PCDH15: variants seen among roughly 807,000 people sequenced by gnomAD.
PCDH15 encodes the protein protocadherin-15.
A neutral mutation model predicts 178.5 loss-of-function variants in PCDH15; 129 were observed. The observed-to-expected ratio is 0.72, with a 90% CI of 0.63 to 0.84. The LOEUF is 0.84. Among genes scored for constraint, PCDH15 ranks in the 40% least tolerant of loss-of-function variants. The pLI is 0.00. For missense variants in PCDH15, 2,230 were observed against 2,099.9 expected, an observed-to-expected ratio of 1.06 and a Z score of -1.21; for synonymous variants, 800 against 732.0, an observed-to-expected ratio of 1.09 and a Z score of -1.50.
intron 15 of PCDH15, among the ~76,000 whole-genome samples, chr10:54,123,758 G>T (rs1372631229): frequency 6.6e-6 from 1 of 152,112 alleles, no homozygotes; most frequent in Non-Finnish European, 1.5e-5. Flanking sequence ...CAACCTAGGT[G>T]CCCATCGGTG....
chr10:55,142,354 G>A (rs991792745), intron 2 of PCDH15, among the ~76,000 whole-genome samples: 2 of 151,844 alleles, frequency 1.3e-5, no homozygotes, highest in African/African-American at 4.8e-5. Context: ...TAATTATACT[G>A]TTAACTTTAT....
chr10:53,885,763 T>C (rs956235864), intron 26 of PCDH15, among the ~76,000 whole-genome samples: 3 of 152,180 alleles, frequency 2.0e-5, no homozygotes, highest in Non-Finnish European at 4.4e-5. Context: ...TTTAGAAAAG[T>C]TATATTGAGT....
intron 2 of PCDH15, among the ~76,000 whole-genome samples, chr10:54,537,483 T>C (rs553791137): frequency 1.7e-3 from 260 of 152,242 alleles, no homozygotes; most frequent in Non-Finnish European, 3.0e-3. Flanking sequence ...AAGAAAACTA[T>C]AGGTCAATAT....
intron 1 of PCDH15, among the ~76,000 whole-genome samples, chr10:55,316,655 T>A (rs1375240154): frequency 6.6e-6 from 1 of 152,106 alleles, no homozygotes; most frequent in African/African-American, 2.4e-5. Context: ...TGTTTTGGAG[T>A]CAGATACAGA....
intron 21 of PCDH15, among the ~76,000 whole-genome samples, chr10:53,962,907 T>C (rs1174195369): frequency 3.3e-5 from 5 of 152,190 alleles, no homozygotes; most frequent in Non-Finnish European, 7.4e-5. Context: ...TTAGGCCTTG[T>C]AAATTTCTTA....
Position 55,620,875 on chromosome 10 carries a change from A to C in PCDH15, c.-156+6750T>G, listed in dbSNP as rs536059757. 2.0e-5 allele frequency among the ~76,000 whole-genome samples: 3 copies of C among 151,820 alleles called. No individual in the cohort carries two copies. In the South Asian group the frequency reaches 6.2e-4, roughly 32 times the overall value. ...AAATGATATCAGCTCAAATTCATGT[A>C]TACCTCTTTGCAGCTAAAGTCTTTT... On this transcript the variant is annotated intron_variant, in intron 2 of 5. Coordinates refer to the PCDH15 transcript ENST00000613346.
At chr10:55,192,834 C>T (rs1416193214) in intron 1 of PCDH15, among the ~76,000 whole-genome samples, 1 of 151,214 alleles carries the variant, frequency 6.6e-6, no homozygotes, top group Non-Finnish European at 1.5e-5. Context: ...TGAATACCTG[C>T]ACACACTTAT....
intron 1 of PCDH15, among the ~76,000 whole-genome samples, chr10:55,252,733 T>C (rs557656965): frequency 6.6e-6 from 1 of 152,096 alleles, no homozygotes; most frequent in African/African-American, 2.4e-5. Flanking sequence ...AAGGAAAATG[T>C]TTCACTATAT....
At chr10:54,793,391 C>G (rs1447851185) in intron 1 of PCDH15, among the ~76,000 whole-genome samples, 1 of 151,708 alleles carries the variant, frequency 6.6e-6, no homozygotes, top group African/African-American at 2.4e-5. Flanking sequence ...CTTAAAACTG[C>G]TGAAAGGAGG....
Position 54,153,147 on chromosome 10 carries a change from G to C in PCDH15, c.1737C>G (p.Tyr579Ter), listed in dbSNP as rs1057517251. Residue 579 changes from tyrosine to a stop codon, truncating the protein, a stop_gained, in exon 14 of 38, where the codon TAC becomes TAG. Coordinates refer to ENST00000644397, the MANE Select transcript of PCDH15 (RefSeq NM_001384140.1). LOFTEE classifies it high-confidence loss of function. ...TATCCGCTGCTTGGACCGTGAGTGC[G>C]TAAGTCCGCCCGACTATCATTTCCA... ...PGVEMIVGRT[Y>*]ALTVQAADNA... 5.6e-6 allele frequency: 9 copies of C among 1,613,778 alleles called. No homozygotes were observed. The highest frequency in any genetic ancestry group is 3.3e-5 in the Admixed American group (2 of 59,952).
chr10:55,263,722 A>T (rs10763192), intron 1 of PCDH15, among the ~76,000 whole-genome samples: 26,199 of 136,564 alleles, frequency 0.19, 3,122 homozygotes, highest in East Asian at 0.39. Context: ...TGTATTTTTT[A>T]ATTTATTTTA....
intron 2 of PCDH15, among the ~76,000 whole-genome samples, chr10:55,589,447 G>A (rs549657810): frequency 2.6e-5 from 4 of 152,064 alleles, no homozygotes; most frequent in African/African-American, 9.6e-5. Context: ...GGCAACAAAA[G>A]CCAAAATTGA....
chr10:54,010,216 C>G lies in PCDH15; in HGVS notation c.2751+9976G>C, dbSNP rs769333807. Among the ~76,000 whole-genome samples, 8 of 151,340 alleles carry G rather than the reference C, an allele frequency of 5.3e-5. No individual in the cohort carries two copies. In the South Asian group the frequency reaches 6.3e-4, roughly 12 times the overall value. On this transcript the variant is annotated intron_variant, in intron 20 of 37. Transcript: ENST00000644397. ...AGGGACAGGGATTAGGGACTAATGC[C>G]GACCCCCAACACAGCGCAGTTTCCT...
At chr10:55,414,422 A>G (rs1443964380) in intron 2 of PCDH15, among the ~76,000 whole-genome samples, 1 of 151,604 alleles carries the variant, frequency 6.6e-6, no homozygotes, top group Non-Finnish European at 1.5e-5. Flanking sequence ...TGAAATTTTG[A>G]AAGGAATTGC....
At chr10:54,208,198 T>C (rs1564685066) in intron 10 of PCDH15, among the ~76,000 whole-genome samples, 2 of 152,200 alleles carry the variant, frequency 1.3e-5, no homozygotes, top group South Asian at 2.1e-4. Flanking sequence ...TCATTACTAA[T>C]AACAAGTAAT....
chr10:54,148,692 T>C (rs542232033), intron 14 of PCDH15, among the ~76,000 whole-genome samples: 17 of 152,218 alleles, frequency 1.1e-4, no homozygotes, highest in African/African-American at 2.9e-4. Flanking sequence ...TGCACCCCTA[T>C]TGACATCAAC....
chr10:54,793,829 A>G (rs1951682997), intron 1 of PCDH15, among the ~76,000 whole-genome samples: 1 of 149,298 alleles, frequency 6.7e-6, no homozygotes, highest in Non-Finnish European at 1.5e-5. Flanking sequence ...GAAGAAAACA[A>G]TATCTTGAAT....
intron 1 of PCDH15, among the ~76,000 whole-genome samples, chr10:54,731,206 G>T (rs916538257): frequency 3.3e-5 from 5 of 151,028 alleles, no homozygotes; most frequent in African/African-American, 1.2e-4. Context: ...ACTCAAAAGT[G>T]CAATGAGCTA....
At chr10:54,562,588 C>T (rs909870862) in intron 2 of PCDH15, among the ~76,000 whole-genome samples, 1 of 152,166 alleles carries the variant, frequency 6.6e-6, no homozygotes, top group Non-Finnish European at 1.5e-5. Flanking sequence ...GGCATGAAGA[C>T]ATTAGTTTCA....
Sources: allele counts gnomAD v4.1 joint callset (sites outside exome capture counted in the v4.1 genomes callset), GRCh38; gene constraint gnomAD v4.1.1; transcripts MANE v1.5; gene names NCBI Gene and HGNC (gene_info 2026-07-23, HGNC 2026-07-21).